CCDC92: variants seen among roughly 807,000 people sequenced by gnomAD.
CCDC92 encodes the protein coiled-coil domain containing 92.
Under a neutral mutation model 24.9 loss-of-function variants are expected in CCDC92, and 12 were observed. The observed-to-expected ratio is 0.48, with a 90% CI of 0.31 to 0.78. CCDC92 has a LOEUF of 0.78. Among genes scored for constraint, CCDC92 ranks in the 30% least tolerant of loss-of-function variants. CCDC92 has a pLI of 0.05. For missense variants in CCDC92, 399 were observed against 439.4 expected (o/e 0.91, Z 0.82); for synonymous variants, 193 against 196.3 (o/e 0.98, Z 0.14).
rs114614909 is a variant in CCDC92, at chr12:123,942,679, A to G, written c.223+65T>C. ...TTCTCCTAAGTGTGTGACTAGTGAA[A>G]ACGGCACCAACACGTACCACAAAGG... On this transcript the variant is annotated intron_variant, in intron 4 of 4. Transcript: ENST00000238156. 3.5e-3 allele frequency: 4,365 copies of G among 1,260,454 alleles called. 113 individuals are homozygous for G. In the African/African-American group the frequency reaches 0.057, roughly 16 times the overall value. 78.1% of individuals were successfully genotyped at this position (1,260,454 alleles called of 1,614,324 possible).
chr12:123,964,750 T>C (rs1466128787), intron 1 of CCDC92, among the ~76,000 whole-genome samples: 4 of 152,352 alleles, frequency 2.6e-5, no homozygotes, highest in African/African-American at 4.8e-5. Context: ...AAGAAACTAG[T>C]ATCTTTATAA....
At chr12:123,971,600 C>G (rs1387878088) in intron 1 of CCDC92, 2 of 152,234 alleles carry the variant, frequency 1.3e-5, no homozygotes, top group Admixed American at 1.3e-4. Flanking sequence ...CCGACTACTG[C>G]AACCTAAGCT....
intron 1 of CCDC92, among the ~76,000 whole-genome samples, chr12:123,963,120 A>C (rs1956312557): frequency 6.6e-6 from 1 of 152,148 alleles, no homozygotes. Flanking sequence ...GGGTGCTGCT[A>C]AACAGACCAT....
intron 2 of CCDC92, chr12:123,943,746 A>T (rs962826198): frequency 1.8e-6 from 1 of 558,256 alleles, no homozygotes; most frequent in African/African-American, 1.9e-5. Flanking sequence ...GATGCCTGGC[A>T]CATGAATGAG....
chr12:123,942,560 A>G (rs531678937), intron 4 of CCDC92, among the ~76,000 whole-genome samples, 184 bp downstream of exon 4: 1 of 152,316 alleles, frequency 6.6e-6, no homozygotes, highest in East Asian at 1.9e-4. Context: ...CTGCCCACTA[A>G]TAACCACTTG....
chr12:123,941,380 A>G (rs141767434), intron 4 of CCDC92, among the ~76,000 whole-genome samples: 1 of 152,318 alleles, frequency 6.6e-6, no homozygotes, highest in Non-Finnish European at 1.5e-5. Flanking sequence ...CACGCAGACA[A>G]AAAGATGTCT....
At chr12:123,958,842 A>G (rs1189341448) in intron 1 of CCDC92, among the ~76,000 whole-genome samples, 3 of 152,110 alleles carry the variant, frequency 2.0e-5, no homozygotes, top group African/African-American at 4.8e-5. Context: ...TGCCCTTTTC[A>G]AGGAGGGGGA....
intron 1 of CCDC92, among the ~76,000 whole-genome samples, chr12:123,946,931 A>G (rs749677587): frequency 6.6e-5 from 10 of 152,026 alleles, no homozygotes; most frequent in Non-Finnish European, 1.3e-4. Context: ...CTCAGCTTGC[A>G]GGGAGGTGTG....
intron 4 of CCDC92, among the ~76,000 whole-genome samples, chr12:123,939,417 G>A (rs1473582412): frequency 1.3e-5 from 2 of 152,198 alleles, no homozygotes; most frequent in Non-Finnish European, 2.9e-5. Context: ...GGTGATGGGC[G>A]CTCCTCGACT....
intron 1 of CCDC92, among the ~76,000 whole-genome samples, chr12:123,947,109 C>G (rs895725135): frequency 6.6e-5 from 10 of 152,318 alleles, no homozygotes; most frequent in African/African-American, 1.9e-4. Flanking sequence ...CCCAGGCCAG[C>G]AGCTGCAGAG....
At chr12:123,948,206 G>A (rs1955931363) in intron 1 of CCDC92, among the ~76,000 whole-genome samples, 1 of 152,238 alleles carries the variant, frequency 6.6e-6, no homozygotes. Flanking sequence ...AAAATGGGAT[G>A]TGCCTATATG....
chr12:123,942,854 G>T, intron 3 of CCDC92, 69 bp from the exon 4 acceptor site: 1 of 1,284,862 alleles, frequency 7.8e-7, no homozygotes, highest in Non-Finnish European at 1.1e-6. Context: ...CTTTGAAAAT[G>T]CAAAACCGAT....
chr12:123,943,646 C>A (rs1221246817), intron 2 of CCDC92, 153 bp from the exon 3 acceptor site: 2 of 791,642 alleles, frequency 2.5e-6, no homozygotes, highest in East Asian at 2.6e-5. Flanking sequence ...GGCACCAGGG[C>A]TACATTCCCA....
intron 1 of CCDC92, among the ~76,000 whole-genome samples, chr12:123,958,748 G>A (rs1956207459): frequency 6.6e-6 from 1 of 152,186 alleles, no homozygotes; most frequent in Non-Finnish European, 1.5e-5. Context: ...TCTAGGATAG[G>A]GGAACTGAGG....
intron 1 of CCDC92, among the ~76,000 whole-genome samples, chr12:123,957,288 G>C (rs1474741597): frequency 1.3e-5 from 2 of 152,352 alleles, no homozygotes; most frequent in East Asian, 3.9e-4. Flanking sequence ...AAGCCTACTG[G>C]CCAGTCAGGA....
In CCDC92 at chr12:123,944,254, CAG is replaced by C. The variant is rs750439563; in HGVS notation, c.34+16_34+17del. The C allele has an allele frequency of 6.5e-7, 1 of 1,535,764 alleles. No homozygotes were observed. Among genetic ancestry groups the C allele is most frequent in the Non-Finnish European group, 9.0e-7 (1 of 1,110,516 alleles). ...CAGCTTCCAGCATCTGATGCTCACT[CAG>C]GGCCCCAGACTCTACCTTCATCGTA... On this transcript the variant is annotated intron_variant, in intron 2 of 4. Coordinates refer to ENST00000238156, the MANE Select transcript of CCDC92 (RefSeq NM_025140.3).
At chr12:123,940,407 C>T (rs1955648099) in intron 4 of CCDC92, among the ~76,000 whole-genome samples, 1 of 152,166 alleles carries the variant, frequency 6.6e-6, no homozygotes, top group Admixed American at 6.5e-5. Flanking sequence ...GCTGTGCTGC[C>T]TCCTCCTCCA....
chr12:123,943,317 C>A, intron 3 of CCDC92, 30 bp downstream of exon 3: 2 of 1,605,152 alleles, frequency 1.2e-6, no homozygotes, highest in African/African-American at 2.7e-5. Context: ...TAGCCGCCCC[C>A]CGCCTGCCCG....
Position 123,936,871 on chromosome 12 carries a change from A to G in CCDC92, c.*187T>C, listed in dbSNP as rs543038591. 4.6e-5 allele frequency: 31 copies of G among 669,118 alleles called. No individual in the cohort carries two copies. Among genetic ancestry groups the G allele is most frequent in the African/African-American group, 4.3e-4 (24 of 55,234 alleles). The allele number at this position is 669,118 out of a possible 1,614,324, so 41.4% of individuals were successfully genotyped here. On this transcript the variant is annotated 3_prime_UTR_variant, in exon 5 of 5. Coordinates refer to ENST00000238156, the MANE Select transcript of CCDC92 (RefSeq NM_025140.3). ...CGTTTGGCCACAGCAATTAGGAAAT[A>G]CATATTCTGCGGCAGGGACACGATC...
Sources: gnomAD v4.1 joint callset for allele counts (sites outside exome capture counted in the v4.1 genomes callset) on GRCh38, gnomAD v4.1.1 for gene constraint, MANE v1.5 for transcripts, NCBI Gene and HGNC (gene_info 2026-07-23, HGNC 2026-07-21) for gene names.